CDK7: variants seen among roughly 807,000 people sequenced by gnomAD.
CDK7 encodes cyclin-dependent kinase 7.
A neutral mutation model predicts 49.1 loss-of-function variants in CDK7; 25 were observed. The ratio of observed to expected loss-of-function variants is 0.51; its 90% CI spans 0.37 to 0.71. The LOEUF (loss-of-function observed/expected upper bound fraction) is 0.71. Ranked by LOEUF, CDK7 falls within the 30% of genes least tolerant of loss-of-function variation. CDK7 has a pLI of 0.00. For missense variants in CDK7, 316 were observed against 411.7 expected (o/e 0.77, Z 2.01); for synonymous variants, 107 against 140.0 (o/e 0.76, Z 1.67).
At chr5:69,271,899 A>C (rs1204865443) in intron 9 of CDK7, among the ~76,000 whole-genome samples, 1 of 148,856 alleles carries the variant, frequency 6.7e-6, no homozygotes. Flanking sequence ...CCTTTATATG[A>C]TGTGTGAGAC....
intron 11 of CDK7, 129 bp from the exon 12 acceptor site, chr5:69,276,978 T>G: frequency 1.3e-6 from 1 of 773,656 alleles, no homozygotes; most frequent in South Asian, 2.0e-5. Flanking sequence ...GTTTAACAAG[T>G]GCTACTGGAA....
chr5:69,261,488 CTCTGTGTG>C (rs1418544247), intron 7 of CDK7, among the ~76,000 whole-genome samples: 48 of 120,360 alleles, frequency 4.0e-4, no homozygotes, highest in African/African-American at 1.2e-3. Context: ...TGAAAAGGTT[CTCTGTGTG>C]TGTGTGTGTG....
chr5:69,277,020 T>G, intron 11 of CDK7, 87 bp from the exon 12 acceptor site: 1 of 1,097,060 alleles, frequency 9.1e-7, no homozygotes, highest in East Asian at 2.4e-5. Flanking sequence ...GTAGTTGGAA[T>G]GCAGTGACTG....
At chr5:69,247,673 TCTTC>T (rs1340109046) in intron 2 of CDK7, among the ~76,000 whole-genome samples, 3 of 152,104 alleles carry the variant, frequency 2.0e-5, no homozygotes, top group Non-Finnish European at 2.9e-5. Context: ...TTTCTTCCTG[TCTTC>T]CTTGTAGTAA....
intron 2 of CDK7, among the ~76,000 whole-genome samples, chr5:69,251,193 G>A (rs1470927863): frequency 6.6e-6 from 1 of 151,906 alleles, no homozygotes; most frequent in African/African-American, 2.4e-5. Context: ...CGCCTCCTGG[G>A]TTCAAGCGAT....
intron 2 of CDK7, among the ~76,000 whole-genome samples, chr5:69,236,953 T>C (rs1203049142): frequency 3.1e-5 from 4 of 129,996 alleles, no homozygotes; most frequent in East Asian, 4.8e-4. Flanking sequence ...TGCCTGGCCT[T>C]CTTTTTTTTT....
chr5:69,253,708 T>C (rs1238989576), intron 3 of CDK7, among the ~76,000 whole-genome samples: 1 of 152,230 alleles, frequency 6.6e-6, no homozygotes, highest in African/African-American at 2.4e-5. Context: ...CACACTTATA[T>C]ATGTTGTTAG....
At chr5:69,265,984 A>C (rs546801369) in intron 8 of CDK7, among the ~76,000 whole-genome samples, 3 of 152,064 alleles carry the variant, frequency 2.0e-5, no homozygotes, top group African/African-American at 7.2e-5. Flanking sequence ...GCTGCTTGGG[A>C]GGCTGAAGTG....
intron 3 of CDK7, among the ~76,000 whole-genome samples, chr5:69,253,295 T>G (rs1287812715): frequency 1.3e-5 from 2 of 152,264 alleles, no homozygotes; most frequent in East Asian, 3.9e-4. Flanking sequence ...GACAGAGTCA[T>G]GCTCTGTTGC....
At chr5:69,250,928 G>C in intron 2 of CDK7, 2 of 453,406 alleles carry the variant, frequency 4.4e-6, no homozygotes, top group South Asian at 3.1e-5. Flanking sequence ...GAAATTCTGT[G>C]GGTTTTTTTG....
At position 69,237,570 on chromosome 5, in the gene CDK7, CCTAT is replaced by C. The variant is rs530943575; in HGVS notation, c.126+2122_126+2125del. On this transcript the variant is annotated intron_variant, in intron 2 of 11. Transcript: ENST00000256443. Reference sequence around the variant, plus strand: ...GGCATTTGTCGAAATTTGAAATCCTCCTATCTATGAGTTTATTGTCTGTTTAATT... The same window carrying C: ...GGCATTTGTCGAAATTTGAAATCCTCCTATGAGTTTATTGTCTGTTTAATT... Among the ~76,000 whole-genome samples the C allele has an allele frequency of 2.4e-4, 37 of 152,292 alleles. No individual in the cohort carries two copies. The South Asian group carries it at 5.0e-3, about 21-fold the overall frequency.
At chr5:69,254,452 G>A (rs1750352796) in intron 3 of CDK7, 150 bp from the exon 4 acceptor site, 1 of 447,412 alleles carries the variant, frequency 2.2e-6, no homozygotes, top group Admixed American at 3.6e-5. Context: ...AACCCGGGAA[G>A]CAGAGGTTGC....
chr5:69,277,157 T>C lies in CDK7; in HGVS notation c.*22T>C. 4 of 1,577,488 alleles carry C rather than the reference T, an allele frequency of 2.5e-6. No individual in the cohort carries two copies. The highest frequency in any genetic ancestry group is 4.5e-5 in the East Asian group (2 of 44,068). ...TTAAAGAGAACACTGGACAACATTT[T>C]ACTACTGAGGGAAATAGCCAAAAAG... On this transcript the variant is annotated 3_prime_UTR_variant, in exon 12 of 12. Transcript: ENST00000256443.
At position 69,259,930 on chromosome 5, in the gene CDK7, T is replaced by C. The variant is rs180962343; in HGVS notation, c.521T>C (p.Val174Ala). The C allele has an allele frequency of 1.3e-6, 2 of 1,596,194 alleles. No individual in the cohort carries two copies. Among genetic ancestry groups the C allele is most frequent in the Non-Finnish European group, 1.7e-6 (2 of 1,164,126 alleles). The change falls in exon 7 of 12, where the codon GTA (valine) becomes GCA (alanine). Residue 174 changes from valine to alanine, a missense_variant. Physicochemically the swap from Val to Ala is moderately conservative, Grantham distance 64. Coordinates refer to ENST00000256443, the MANE Select transcript of CDK7 (RefSeq NM_001799.4). ...AATAGAGCTTATACACATCAGGTTG[T>C]AACCAGGTAAGAATCTCTTAAAGCT... ...SPNRAYTHQV[V>A]TRWYRAPELL...
At chr5:69,248,621 C>G (rs1360775446) in intron 2 of CDK7, among the ~76,000 whole-genome samples, 1 of 152,014 alleles carries the variant, frequency 6.6e-6, no homozygotes. Flanking sequence ...TTCCCTACCT[C>G]AGGTGACCCA....
chr5:69,251,230 T>A (rs1449939392), intron 2 of CDK7, among the ~76,000 whole-genome samples: 3 of 151,938 alleles, frequency 2.0e-5, no homozygotes, highest in Admixed American at 2.0e-4. Flanking sequence ...CCCAAGTAGC[T>A]GGGACTACAG....
chr5:69,237,131 C>T (rs1413712726), intron 2 of CDK7, among the ~76,000 whole-genome samples: 1 of 151,828 alleles, frequency 6.6e-6, no homozygotes, highest in Non-Finnish European at 1.5e-5. Context: ...CTCACTCTGT[C>T]GCCCAGGTGG....
chr5:69,267,422 C>T (rs1420075629), intron 8 of CDK7, among the ~76,000 whole-genome samples: 1 of 151,054 alleles, frequency 6.6e-6, no homozygotes, highest in Non-Finnish European at 1.5e-5. Flanking sequence ...CCTCAGCCTC[C>T]CAAGTAGCTG....
intron 2 of CDK7, among the ~76,000 whole-genome samples, chr5:69,247,987 A>C (rs537711923): frequency 6.6e-6 from 1 of 152,182 alleles, no homozygotes; most frequent in Non-Finnish European, 1.5e-5. Flanking sequence ...CCACAATTAC[A>C]GTGTTATAAT....
Sources: allele counts gnomAD v4.1 joint callset (sites outside exome capture counted in the v4.1 genomes callset), GRCh38; gene constraint gnomAD v4.1.1; transcripts MANE v1.5; gene names NCBI Gene and HGNC (gene_info 2026-07-23, HGNC 2026-07-21).